The following VRTN variants were observed in gnomAD, a reference collection of about 807,000 sequenced individuals.
VRTN encodes vertnin.
VRTN carries 5 observed loss-of-function variants against 18.2 expected under a neutral mutation model. The ratio of observed to expected loss-of-function variants is 0.27; its 90% confidence interval spans 0.14 to 0.58. The LOEUF (loss-of-function observed/expected upper bound fraction) is 0.58, where lower values mean the gene tolerates loss of function less well. Ranked by LOEUF, VRTN falls within the 20% of genes least tolerant of loss-of-function variation. VRTN has a pLI of 0.91. For missense variants in VRTN, 741 were observed against 939.4 expected (o/e 0.79, Z 2.76); for synonymous variants, 381 against 393.7 (o/e 0.97, Z 0.38).
chr14:74,345,870 G>A (rs10148935), upstream of VRTN, among the ~76,000 whole-genome samples: 14,530 of 148,324 alleles, frequency 0.098, 1,758 homozygotes, highest in African/African-American at 0.29. Context: ...GTTGAGGTGA[G>A]CCGAGATTGT....
chr14:74,345,937 A>G (rs901508416), upstream of VRTN, among the ~76,000 whole-genome samples: 3 of 151,782 alleles, frequency 2.0e-5, no homozygotes, highest in Admixed American at 6.6e-5. Flanking sequence ...AAAAAAAAAA[A>G]AAAAGAAAAA....
intron 1 of VRTN, among the ~76,000 whole-genome samples, chr14:74,335,124 A>T (rs921940234): frequency 6.6e-6 from 1 of 152,186 alleles, no homozygotes; most frequent in Non-Finnish European, 1.5e-5. Flanking sequence ...TCTACTAAAA[A>T]TACAAAATTA....
chr14:74,348,029 T>C (rs2085654997), upstream of VRTN, among the ~76,000 whole-genome samples: 1 of 152,164 alleles, frequency 6.6e-6, no homozygotes, highest in Non-Finnish European at 1.5e-5. Context: ...CTTACAGGAC[T>C]GGGGTTGGTG....
At chr14:74,303,077 C>T (rs1364761925) in exon 1 of VRTN, 3 of 670,432 alleles carry the variant, frequency 4.5e-6, no homozygotes, top group East Asian at 3.4e-5. Context: ...CTAAAAGTAC[C>T]AGAGAGTGGA....
intron 1 of VRTN, among the ~76,000 whole-genome samples, chr14:74,307,322 G>A (rs1451235792): frequency 6.6e-6 from 1 of 151,824 alleles, no homozygotes; most frequent in Non-Finnish European, 1.5e-5. Flanking sequence ...TAGAGATGGA[G>A]TTTCACCATG....
chr14:74,303,062 C>T, upstream of VRTN: 2 of 825,696 alleles, frequency 2.4e-6, no homozygotes, highest in Non-Finnish European at 3.5e-6. Flanking sequence ...AAGCGACCGA[C>T]GTCTCTAAAA....
intron 1 of VRTN, among the ~76,000 whole-genome samples, chr14:74,310,533 GTTTT>G (rs71449187): frequency 8.1e-6 from 1 of 124,074 alleles, no homozygotes. Context: ...TGCTGCCTCT[GTTTT>G]TTTTTTTTTT....
intron 1 of VRTN, among the ~76,000 whole-genome samples, chr14:74,337,215 T>C (rs1487947646): frequency 6.6e-6 from 1 of 152,000 alleles, no homozygotes; most frequent in Non-Finnish European, 1.5e-5. Flanking sequence ...TGGTGGCACA[T>C]GCCTGTAGTC....
chr14:74,342,693 A>G (rs2085614829), intron 2 of VRTN, among the ~76,000 whole-genome samples: 1 of 151,844 alleles, frequency 6.6e-6, no homozygotes, highest in African/African-American at 2.4e-5. Context: ...ACTGGATTGC[A>G]GTGGTGTGAT....
chr14:74,342,367 G>A (rs1365903696), intron 2 of VRTN, among the ~76,000 whole-genome samples: 2 of 152,116 alleles, frequency 1.3e-5, no homozygotes, highest in Non-Finnish European at 2.9e-5. Flanking sequence ...ACCAAGGACT[G>A]TCTTAATATA....
chr14:74,358,502 G>A lies in VRTN; in HGVS notation c.1719G>A (p.Glu573=), dbSNP rs1176847377. 1 of 1,613,720 alleles carries A rather than the reference G, an allele frequency of 6.2e-7. No individual in the cohort carries two copies. The highest frequency in any genetic ancestry group is 8.5e-7 in the Non-Finnish European group (1 of 1,179,710). ...TGGGCAAAGGGGGGCAGGAGGCTGA[G>A]GAGAAGCAGGAGAAGGAGGCTGGCA... The part of the protein sequence containing the change: ...PTLGKGGQEA[E]EKQEKEAGRD... Residue 573 remains glutamate, a synonymous_variant, in exon 2 of 2, where the codon GAG becomes GAA. Transcript: ENST00000256362. The surrounding 1 kb of genome is among the most constrained non-coding windows in gnomAD (Gnocchi z 5.4).
upstream of VRTN, among the ~76,000 whole-genome samples, chr14:74,343,654 C>G (rs1445594479): frequency 6.6e-6 from 1 of 152,116 alleles, no homozygotes; most frequent in Non-Finnish European, 1.5e-5. Context: ...TTCATGCTAT[C>G]TCGGCTAAAA....
At chr14:74,303,007 G>C (rs2140177256), upstream of VRTN, 1 of 1,300,134 alleles carries the variant, frequency 7.7e-7, no homozygotes, top group Non-Finnish European at 1.0e-6. Flanking sequence ...CCACAGAGAC[G>C]GCGTTTGATA....
chr14:74,328,000 C>A lies in VRTN; in HGVS notation c.-163-9723C>A, dbSNP rs558855423. Among the ~76,000 whole-genome samples, 334 of 152,268 alleles carry A rather than the reference C, an allele frequency of 2.2e-3. 19 individuals are homozygous for A. The East Asian group carries it at 0.059, about 27-fold the overall frequency. On this transcript the variant is annotated intron_variant, in intron 1 of 2. Transcript: ENST00000557177. ...CCTCCCAAAGTGCTGGGATTACAGG[C>A]ATGAGCCACTGCGCCTGGCCCTTGT...
At chr14:74,340,452 G>A (rs1441930530) in intron 2 of VRTN, among the ~76,000 whole-genome samples, 1 of 151,128 alleles carries the variant, frequency 6.6e-6, no homozygotes, top group Admixed American at 6.6e-5. Flanking sequence ...CACCATATTG[G>A]TCAGGCTGGT....
intron 1 of VRTN, among the ~76,000 whole-genome samples, chr14:74,327,578 T>C (rs1879413414): frequency 2.0e-5 from 3 of 152,304 alleles, no homozygotes; most frequent in Admixed American, 2.0e-4. Context: ...TACCTTCCCT[T>C]GGTGAGAAGC....
chr14:74,349,362 G>T (rs772211330), intron 1 of VRTN, among the ~76,000 whole-genome samples: 8 of 152,244 alleles, frequency 5.3e-5, no homozygotes, highest in Non-Finnish European at 8.8e-5. Flanking sequence ...AGTCGGGCTG[G>T]TGTGGCCAGG....
intron 1 of VRTN, among the ~76,000 whole-genome samples, chr14:74,351,642 G>A (rs981969528): frequency 2.0e-5 from 3 of 151,028 alleles, no homozygotes; most frequent in Admixed American, 2.0e-4. Flanking sequence ...CTACTATGCA[G>A]GCTAATTTTT....
intron 2 of VRTN, among the ~76,000 whole-genome samples, chr14:74,340,121 T>C (rs2085591534): frequency 6.6e-6 from 1 of 150,772 alleles, no homozygotes; most frequent in African/African-American, 2.4e-5. Flanking sequence ...TTTTTTTTTT[T>C]TTTTTTTTGA....
Sources: allele counts gnomAD v4.1 joint callset (sites outside exome capture counted in the v4.1 genomes callset), GRCh38; gene constraint gnomAD v4.1.1; non-coding constraint Gnocchi (gnomAD v3.1); transcripts MANE v1.5; gene names NCBI Gene and HGNC (gene_info 2026-07-23, HGNC 2026-07-21).